Variants in SEPTIN14 observed in about 807,000 individuals in gnomAD.
SEPTIN14 encodes the protein septin 14.
SEPTIN14 carries 40 observed loss-of-function variants against 53.6 expected under a neutral mutation model. That is an observed-to-expected ratio of 0.75 (90% confidence interval 0.58 to 0.97). The LOEUF (loss-of-function observed/expected upper bound fraction) is 0.97. Among genes scored for constraint, SEPTIN14 ranks in the 50% least tolerant of loss-of-function variants. SEPTIN14 has a pLI of 0.00. For synonymous variants in SEPTIN14, 138 were observed against 166.8 expected (o/e 0.83, Z 1.33); for missense variants, 471 against 508.2 (o/e 0.93, Z 0.70).
intron 2 of SEPTIN14, among the ~76,000 whole-genome samples, chr7:55,849,065 C>A (rs1335621715): frequency 6.6e-6 from 1 of 152,030 alleles, no homozygotes; most frequent in East Asian, 1.9e-4. Flanking sequence ...TGGCTCACGC[C>A]TGAAATCCCA....
chr7:55,841,176 C>CG (rs1296907570), intron 5 of SEPTIN14, among the ~76,000 whole-genome samples: 2 of 151,862 alleles, frequency 1.3e-5, no homozygotes, highest in African/African-American at 4.8e-5. Context: ...CCCAAAGTGA[C>CG]GGGATTACAG....
At position 55,844,662 on chromosome 7, in the gene SEPTIN14, T is replaced by A; in HGVS notation, c.232A>T (p.Lys78Ter). 1 of 1,610,786 alleles carries A rather than the reference T, an allele frequency of 6.2e-7. No homozygotes were observed. The part of the protein sequence containing the change: ...LIDTLFNTNL[K>*]DNKSSHFYSN... ...TAAAAATGTGAGGATTTGTTATCTT[T>A]CAAGTTAGTATTAAACAATGTGTCT... The change falls in exon 4 of 10, where the codon AAA becomes TAA. Residue 78 changes from lysine to a stop codon, truncating the protein, a stop_gained. Coordinates refer to ENST00000388975, the MANE Select transcript of SEPTIN14 (RefSeq NM_207366.3). LOFTEE classifies it high-confidence loss of function.
rs1353664491 is a variant in SEPTIN14, at chr7:55,795,209, T to C, written c.*704A>G. 2.0e-5 allele frequency: 3 copies of C among 152,176 alleles called. No individual in the cohort carries two copies. Among genetic ancestry groups the C allele is most frequent in the Admixed American group, 2.0e-4 (3 of 15,256 alleles). The allele number at this position is 152,176 out of a possible 1,614,324, so 9.4% of individuals were successfully genotyped here. ...TGTATAACTTAACATTTTATGCCTATGAGTCCCCAACAAAGCCTCCAGCTT... is the reference window on the plus strand; with the variant it reads ...TGTATAACTTAACATTTTATGCCTACGAGTCCCCAACAAAGCCTCCAGCTT... On this transcript the variant is annotated 3_prime_UTR_variant, in exon 10 of 10. Transcript: ENST00000388975.
chr7:55,835,036 T>A (rs4948078), intron 5 of SEPTIN14, among the ~76,000 whole-genome samples: 5,700 of 152,274 alleles, frequency 0.037, 131 homozygotes, highest in Admixed American at 0.058. Flanking sequence ...TCTTAAAAAT[T>A]ATTTTCCAAA....
At chr7:55,814,928 C>T (rs1788766855) in intron 7 of SEPTIN14, among the ~76,000 whole-genome samples, 1 of 152,206 alleles carries the variant, frequency 6.6e-6, no homozygotes, top group Admixed American at 6.6e-5. Flanking sequence ...CAGCATGGTA[C>T]CGGCATAAAA....
chr7:55,808,051 T>A (rs1402629157), intron 7 of SEPTIN14, among the ~76,000 whole-genome samples: 1 of 152,152 alleles, frequency 6.6e-6, no homozygotes, highest in Non-Finnish European at 1.5e-5. Context: ...TGTATTACAA[T>A]AATAGTAAGG....
chr7:55,850,369 C>A (rs1370567992), intron 2 of SEPTIN14, among the ~76,000 whole-genome samples: 1 of 152,078 alleles, frequency 6.6e-6, no homozygotes, highest in Non-Finnish European at 1.5e-5. Context: ...ACCTGGGAGG[C>A]TAATGCAGGA....
At chr7:55,843,796 C>T (rs757624229) in intron 4 of SEPTIN14, among the ~76,000 whole-genome samples, 7 of 152,302 alleles carry the variant, frequency 4.6e-5, no homozygotes, top group Admixed American at 2.6e-4. Flanking sequence ...CGCGCCACTG[C>T]GCTCTAGCCT....
chr7:55,821,227 G>C (rs1239937366), intron 6 of SEPTIN14, among the ~76,000 whole-genome samples: 4 of 152,106 alleles, frequency 2.6e-5, no homozygotes, highest in Admixed American at 2.6e-4. Flanking sequence ...GAAGATGGGG[G>C]CCCTGACCAT....
At chr7:55,825,798 C>A (rs969889964) in intron 6 of SEPTIN14, among the ~76,000 whole-genome samples, 2 of 151,300 alleles carry the variant, frequency 1.3e-5, no homozygotes, top group East Asian at 3.9e-4. Context: ...GAGACCCCCA[C>A]CTCTACTAAA....
Position 55,794,490 on chromosome 7 carries a change from T to A in SEPTIN14, c.*1423A>T, listed in dbSNP as rs535133187. 6.6e-6 allele frequency: 1 copy of A among 152,130 alleles called. No homozygotes were observed. The highest frequency in any genetic ancestry group is 1.9e-4 in the East Asian group (1 of 5,202). The allele number at this position is 152,130 out of a possible 1,614,324, so 9.4% of individuals were successfully genotyped here. A position where few individuals can be genotyped will look rare whatever the true frequency, so the allele number is the denominator to read the frequency against. ...ATAATTGCTGCTATGCGTCAGACATTTTTCTAGGCCTAGGAATGGATACAT... is the reference window on the plus strand; with the variant it reads ...ATAATTGCTGCTATGCGTCAGACATATTTCTAGGCCTAGGAATGGATACAT... On this transcript the variant is annotated 3_prime_UTR_variant, in exon 10 of 10. Transcript: ENST00000388975.
intron 8 of SEPTIN14, 23 bp from the exon 9 acceptor site, chr7:55,805,413 T>C (rs755939401): frequency 3.3e-6 from 5 of 1,517,202 alleles, no homozygotes; most frequent in African/African-American, 1.4e-5. Context: ...GTTTTCTTAG[T>C]CTTATATTAA....
intron 6 of SEPTIN14, among the ~76,000 whole-genome samples, chr7:55,826,878 C>T (rs555947642): frequency 2.6e-5 from 4 of 152,124 alleles, no homozygotes; most frequent in Admixed American, 6.5e-5. Flanking sequence ...TCTGAGAGCC[C>T]GGCTCCCAGA....
At chr7:55,824,684 G>A (rs1204826726) in intron 6 of SEPTIN14, among the ~76,000 whole-genome samples, 1 of 152,038 alleles carries the variant, frequency 6.6e-6, no homozygotes, top group African/African-American at 2.4e-5. Context: ...AGATACTTGG[G>A]AGGCTGAGGC....
intron 6 of SEPTIN14, among the ~76,000 whole-genome samples, chr7:55,820,163 C>T (rs1344986135): frequency 6.6e-6 from 1 of 152,082 alleles, no homozygotes. Flanking sequence ...CCATGCCTGG[C>T]TAATTTTTGT....
chr7:55,861,357 C>G (rs547929386), intron 2 of SEPTIN14, among the ~76,000 whole-genome samples: 1 of 152,168 alleles, frequency 6.6e-6, no homozygotes, highest in Admixed American at 6.6e-5. Context: ...CAAAAGTTAG[C>G]CAGGCATGAA....
rs536078155 is a variant in SEPTIN14 at position 55,860,653 on chromosome 7, T to C, written c.54+1290A>G. On this transcript the variant is annotated intron_variant, in intron 2 of 9. Transcript: ENST00000388975. ...TAAAATATCACATGTACCCCATCAA[T>C]ATGTATTAATATTACATATCATTTA... Among the ~76,000 whole-genome samples, 6 of 152,310 alleles carry C rather than the reference T, an allele frequency of 3.9e-5. No homozygotes were observed. In the South Asian group the frequency reaches 1.2e-3, roughly 32 times the overall value.
At chr7:55,840,706 C>A (rs1029186276) in intron 5 of SEPTIN14, among the ~76,000 whole-genome samples, 12 of 152,042 alleles carry the variant, frequency 7.9e-5, no homozygotes, top group Non-Finnish European at 1.8e-4. Flanking sequence ...GATATCCCAG[C>A]CCTAACACAC....
At chr7:55,855,456 A>G (rs954907623) in intron 2 of SEPTIN14, among the ~76,000 whole-genome samples, 1 of 152,216 alleles carries the variant, frequency 6.6e-6, no homozygotes, top group Non-Finnish European at 1.5e-5. Context: ...CATCAGTGAG[A>G]AGAGTTCTAA....
Sources: gnomAD v4.1 joint callset for allele counts (sites outside exome capture counted in the v4.1 genomes callset) on GRCh38, gnomAD v4.1.1 for gene constraint, MANE v1.5 for transcripts, NCBI Gene and HGNC (gene_info 2026-07-23, HGNC 2026-07-21) for gene names.